Variants in NCALD observed in about 807,000 individuals in gnomAD.
The protein encoded by NCALD is neurocalcin delta.
Under a neutral mutation model 18.6 loss-of-function variants are expected in NCALD, and 10 were observed. That is an observed-to-expected ratio of 0.54 (90% confidence interval 0.33 to 0.91). The LOEUF (loss-of-function observed/expected upper bound fraction) is 0.91. Among genes scored for constraint, NCALD ranks in the 40% least tolerant of loss-of-function variants. NCALD has a pLI of 0.03. For missense variants in NCALD, 184 were observed against 247.6 expected, an observed-to-expected ratio of 0.74 and a Z score of 1.72; for synonymous variants, 88 against 87.4, an observed-to-expected ratio of 1.01 and a Z score of -0.04.
chr8:101,838,149 T>C (rs1306908288), intron 4 of NCALD, among the ~76,000 whole-genome samples: 1 of 152,220 alleles, frequency 6.6e-6, no homozygotes, highest in East Asian at 1.9e-4. Flanking sequence ...AGGTGAAAAA[T>C]TATTTCATGA....
chr8:102,087,838 G>T (rs1824789461), intron 1 of NCALD, among the ~76,000 whole-genome samples: 3 of 151,906 alleles, frequency 2.0e-5, no homozygotes, highest in Non-Finnish European at 4.4e-5. Flanking sequence ...TTGAGAAATG[G>T]CTGGGTCTTT....
intron 2 of NCALD, among the ~76,000 whole-genome samples, chr8:102,002,792 A>C (rs190466393): frequency 6.6e-6 from 1 of 152,372 alleles, no homozygotes; most frequent in Non-Finnish European, 1.5e-5. Flanking sequence ...GTACATAACG[A>C]AATAAAGGCA....
intron 1 of NCALD, among the ~76,000 whole-genome samples, chr8:101,785,083 T>G (rs1013506467): frequency 1.3e-5 from 2 of 152,188 alleles, no homozygotes; most frequent in African/African-American, 4.8e-5. Context: ...TGCCTAGAGC[T>G]CTATTGTATA....
At chr8:101,866,335 C>CT (rs1395148620) in intron 4 of NCALD, among the ~76,000 whole-genome samples, 1 of 152,192 alleles carries the variant, frequency 6.6e-6, no homozygotes, top group Non-Finnish European at 1.5e-5. Context: ...AGAAACTCTT[C>CT]TTTTTTCTGT....
At chr8:101,969,189 G>A (rs1820145037) in intron 2 of NCALD, among the ~76,000 whole-genome samples, 1 of 152,202 alleles carries the variant, frequency 6.6e-6, no homozygotes, top group Non-Finnish European at 1.5e-5. Context: ...CAAAGCTACA[G>A]TTATTTTTAA....
intron 4 of NCALD, among the ~76,000 whole-genome samples, chr8:101,851,068 T>C (rs1156767455): frequency 6.6e-6 from 1 of 152,210 alleles, no homozygotes; most frequent in African/African-American, 2.4e-5. Flanking sequence ...ACATGTTTAG[T>C]AAATCTTAAA....
At chr8:101,877,556 C>G (rs527798918) in intron 4 of NCALD, among the ~76,000 whole-genome samples, 1 of 152,338 alleles carries the variant, frequency 6.6e-6, no homozygotes, top group East Asian at 1.9e-4. Context: ...AAGAAAATAA[C>G]CTTTTCAACA....
chr8:101,745,580 A>T (rs1441067333), intron 1 of NCALD, among the ~76,000 whole-genome samples: 1 of 152,168 alleles, frequency 6.6e-6, no homozygotes. Context: ...GAAAAGACTT[A>T]ATTACAAAGT....
At chr8:102,055,716 C>G (rs78087612) in intron 1 of NCALD, among the ~76,000 whole-genome samples, 1 of 152,214 alleles carries the variant, frequency 6.6e-6, no homozygotes, top group Non-Finnish European at 1.5e-5. Context: ...GAGGACCACT[C>G]TCACTCTTAA....
chr8:101,905,322 T>C (rs1479255009), intron 3 of NCALD, among the ~76,000 whole-genome samples: 1 of 151,980 alleles, frequency 6.6e-6, no homozygotes, highest in Non-Finnish European at 1.5e-5. Context: ...CTCTTTTCCC[T>C]GGGGGTATTT....
At chr8:102,049,183 C>G (rs1161827149) in intron 1 of NCALD, among the ~76,000 whole-genome samples, 1 of 152,178 alleles carries the variant, frequency 6.6e-6, no homozygotes, top group Non-Finnish European at 1.5e-5. Context: ...TCCGCATCTG[C>G]AGTTTCAACT....
chr8:101,923,215 T>C lies in NCALD; in HGVS notation c.-156-7357A>G, dbSNP rs187137764. ...ATTTGCTGGCATCTTGATCTTGGAC[T>C]TTCCAGCCTCCAGAACTGCAAGAAA... On this transcript the variant is annotated intron_variant, in intron 2 of 6. Transcript: ENST00000311028. 3.3e-5 allele frequency among the ~76,000 whole-genome samples: 5 copies of C among 152,344 alleles called. No homozygotes were observed. The East Asian group carries it at 9.6e-4, about 29-fold the overall frequency.
At chr8:101,987,704 T>G (rs1181121896) in intron 2 of NCALD, among the ~76,000 whole-genome samples, 2 of 151,918 alleles carry the variant, frequency 1.3e-5, no homozygotes, top group Non-Finnish European at 2.9e-5. Context: ...TATTCCAGAG[T>G]CCAAGATGTA....
chr8:101,787,323 G>A (rs1455230001), intron 1 of NCALD, among the ~76,000 whole-genome samples: 8 of 152,156 alleles, frequency 5.3e-5, no homozygotes, highest in East Asian at 1.9e-4. Context: ...AATAAGAAAC[G>A]TTTGAGAACA....
chr8:102,061,540 C>T (rs17499768), intron 1 of NCALD, among the ~76,000 whole-genome samples: 9,258 of 152,104 alleles, frequency 0.061, 412 homozygotes, highest in Non-Finnish European at 0.092. Context: ...TTAAGGCCTC[C>T]GAGAACTGAA....
intron 2 of NCALD, among the ~76,000 whole-genome samples, chr8:101,980,224 C>T (rs1820567451): frequency 6.6e-6 from 1 of 152,182 alleles, no homozygotes; most frequent in Admixed American, 6.5e-5. Flanking sequence ...CCCATCTTCT[C>T]CCTGCCCACT....
intron 4 of NCALD, among the ~76,000 whole-genome samples, chr8:101,862,737 G>T (rs1238719906): frequency 6.6e-6 from 1 of 152,084 alleles, no homozygotes; most frequent in Non-Finnish European, 1.5e-5. Flanking sequence ...CCTTCATTTG[G>T]GGAAGAGTCA....
intron 1 of NCALD, among the ~76,000 whole-genome samples, chr8:101,731,394 G>A (rs1047543038): frequency 3.9e-5 from 6 of 152,124 alleles, no homozygotes; most frequent in African/African-American, 1.4e-4. Flanking sequence ...GAACCTCTTT[G>A]CAGTAAATTC....
chr8:102,057,479 T>C (rs1018404075), intron 1 of NCALD, among the ~76,000 whole-genome samples: 9 of 152,196 alleles, frequency 5.9e-5, no homozygotes, highest in Non-Finnish European at 1.3e-4. Flanking sequence ...TGTCTCTGGG[T>C]ATGTTTGGCT....
Sources: gnomAD v4.1 joint callset for allele counts (sites outside exome capture counted in the v4.1 genomes callset) on GRCh38, gnomAD v4.1.1 for gene constraint, MANE v1.5 for transcripts, NCBI Gene and HGNC (gene_info 2026-07-23, HGNC 2026-07-21) for gene names.